Variants in CHMP4B observed in about 807,000 individuals in gnomAD.
The protein encoded by CHMP4B is charged multivesicular body protein 4B, also known as SNF7 homolog associated with Alix 1.
Under a neutral mutation model 25.1 loss-of-function variants are expected in CHMP4B, and 1 was observed. The observed-to-expected ratio is 0.04, with a 90% CI of 0.01 to 0.19. The LOEUF (loss-of-function observed/expected upper bound fraction) is 0.19. Ranked by LOEUF, CHMP4B falls within the 10% of genes least tolerant of loss-of-function variation. CHMP4B has a pLI of 1.00. For synonymous variants in CHMP4B, 101 were observed against 115.6 expected (o/e 0.87, Z 0.81); for missense variants, 151 against 289.7 (o/e 0.52, Z 3.48).
At chr20:33,811,810 A>C (rs186647786) in intron 1 of CHMP4B, 152 bp downstream of exon 1, 2 of 774,558 alleles carry the variant, frequency 2.6e-6, no homozygotes, top group Non-Finnish European at 4.4e-6. Flanking sequence ...CCCCTCCCCG[A>C]CTCCCTTCAA....
chr20:33,844,769 T>C (rs1979634556), intron 1 of CHMP4B, among the ~76,000 whole-genome samples: 1 of 151,978 alleles, frequency 6.6e-6, no homozygotes, highest in South Asian at 2.1e-4. Context: ...CTCTTTTTTT[T>C]TTTTTTTGAG....
chr20:33,846,303 C>G (rs902717997), intron 1 of CHMP4B, among the ~76,000 whole-genome samples: 2 of 152,146 alleles, frequency 1.3e-5, no homozygotes, highest in African/African-American at 4.8e-5. Context: ...TATTTTGAGG[C>G]CCTTATGAAG....
chr20:33,852,718 A>G lies in CHMP4B; in HGVS notation c.610+515A>G, dbSNP rs909452098. 2.6e-5 allele frequency among the ~76,000 whole-genome samples: 4 copies of G among 152,176 alleles called. No homozygotes were observed. The East Asian group carries it at 7.7e-4, about 29-fold the overall frequency. On this transcript the variant is annotated intron_variant, in intron 4 of 4. Transcript: ENST00000217402. ...CACTGTGAGAAGGTGTGAGAGCGTG[A>G]GTCCAGGACAGCTCTTTCCCTGCCC...
intron 1 of CHMP4B, among the ~76,000 whole-genome samples, chr20:33,828,296 G>T (rs1168065363): frequency 6.6e-6 from 1 of 152,168 alleles, no homozygotes; most frequent in East Asian, 1.9e-4. Flanking sequence ...GCTGGGACTG[G>T]AACTCATGAC....
At chr20:33,846,825 C>G (rs993893574) in intron 1 of CHMP4B, among the ~76,000 whole-genome samples, 1 of 152,182 alleles carries the variant, frequency 6.6e-6, no homozygotes. Flanking sequence ...GAGGCTAGTG[C>G]TCCTGACCCA....
chr20:33,830,769 A>C (rs769293054), intron 1 of CHMP4B, among the ~76,000 whole-genome samples: 7 of 152,054 alleles, frequency 4.6e-5, no homozygotes, highest in Non-Finnish European at 8.8e-5. Flanking sequence ...AGGTCAGTCC[A>C]TAGCACTCCT....
Position 33,851,066 on chromosome 20 carries a change from G to A in CHMP4B, c.483G>A (p.Glu161=), listed in dbSNP as rs748507989. The change falls in exon 3 of 5, where the codon GAG becomes GAA. Residue 161 remains glutamate, a splice_region_variant and synonymous_variant. Transcript: ENST00000217402. ...KPVGFGEEFD[E]DELMAELEEL... ...TAGGGTTTGGAGAAGAGTTTGACGA[G>A]GTGAGTAGTTTTGTACAGATCCCAT... is the stretch of plus-strand genomic sequence containing the variant. 3 of 1,585,628 alleles carry A rather than the reference G, an allele frequency of 1.9e-6. No homozygotes were observed. The highest frequency in any genetic ancestry group is 2.6e-6 in the Non-Finnish European group (3 of 1,154,060).
intron 1 of CHMP4B, among the ~76,000 whole-genome samples, chr20:33,830,230 C>T (rs1601321307): frequency 1.3e-5 from 2 of 152,140 alleles, no homozygotes; most frequent in Non-Finnish European, 2.9e-5. Context: ...CCAGGAAAAG[C>T]AAGGCGCTGG....
intron 1 of CHMP4B, among the ~76,000 whole-genome samples, chr20:33,844,888 G>A (rs1979639982): frequency 6.6e-6 from 1 of 151,608 alleles, no homozygotes; most frequent in African/African-American, 2.4e-5. Context: ...CCTCCCAAGT[G>A]GCTCGGACCA....
chr20:33,812,014 C>T (rs372301221), intron 1 of CHMP4B, among the ~76,000 whole-genome samples: 1 of 152,160 alleles, frequency 6.6e-6, no homozygotes, highest in East Asian at 1.9e-4. Context: ...GCCTCCTCCT[C>T]GGCTCATTTC....
Position 33,840,618 on chromosome 20 carries a change from AG to A in CHMP4B, c.191-7847del, listed in dbSNP as rs1407539879. Among the ~76,000 whole-genome samples, 4 of 152,286 alleles carry A rather than the reference AG, an allele frequency of 2.6e-5. 1 individual carries two copies. The highest frequency in any genetic ancestry group is 6.8e-3 in the Middle Eastern group (2 of 294). Reference sequence around the variant, plus strand: ...TGAAGCTGGCATTGGCCAAATGATCAGGTGGTTTTAAATTGGTTTCTCCCAA... The same window carrying A: ...TGAAGCTGGCATTGGCCAAATGATCAGTGGTTTTAAATTGGTTTCTCCCAA... On this transcript the variant is annotated intron_variant, in intron 1 of 4. Transcript: ENST00000217402.
Position 33,831,927 on chromosome 20 carries a change from C to T in CHMP4B, c.191-16540C>T, listed in dbSNP as rs550116935. On this transcript the variant is annotated intron_variant, in intron 1 of 4. Transcript: ENST00000217402. The stretch of plus-strand genomic sequence containing the variant: ...AGGACAAGGCAAGACTACCTTTTCC[C>T]GAAAGAGAATCAGCTTCCTGTGCCC... Among the ~76,000 whole-genome samples, 31 of 152,228 alleles carry T rather than the reference C, an allele frequency of 2.0e-4. No homozygotes were observed. The South Asian group carries it at 5.8e-3, about 29-fold the overall frequency.
chr20:33,853,614 C>T lies in CHMP4B; in HGVS notation c.*54C>T, dbSNP rs1979918893. ...AGACTGTGGTGGCCTGCGCAGCGAG[C>T]AGGCGTGTGCGTGTGTGGGGCAGGC... On this transcript the variant is annotated 3_prime_UTR_variant, in exon 5 of 5. Transcript: ENST00000217402. 1.3e-6 allele frequency: 2 copies of T among 1,507,784 alleles called. No individual in the cohort carries two copies. Among genetic ancestry groups the T allele is most frequent in the Admixed American group, 1.7e-5 (1 of 59,782 alleles). 93.4% of individuals were successfully genotyped at this position (1,507,784 alleles called of 1,614,324 possible).
intron 1 of CHMP4B, among the ~76,000 whole-genome samples, chr20:33,845,340 C>T (rs1416790796): frequency 1.3e-5 from 2 of 150,258 alleles, no homozygotes; most frequent in Non-Finnish European, 3.0e-5. Flanking sequence ...TTCTTGCCCC[C>T]GAGATGGAGT....
chr20:33,822,069 C>T (rs1033604765), intron 1 of CHMP4B, among the ~76,000 whole-genome samples: 5 of 151,910 alleles, frequency 3.3e-5, no homozygotes, highest in Admixed American at 2.6e-4. Flanking sequence ...AAGCCATCCA[C>T]CCACCTTGGC....
intron 1 of CHMP4B, 132 bp from the exon 2 acceptor site, chr20:33,848,335 A>G: frequency 1.1e-6 from 1 of 882,996 alleles, no homozygotes; most frequent in Non-Finnish European, 1.9e-6. Flanking sequence ...TTTGTGTAGA[A>G]TTTATGAATC....
chr20:33,852,027 G>A (rs1979865525), intron 3 of CHMP4B, 50 bp from the exon 4 acceptor site: 1 of 1,612,196 alleles, frequency 6.2e-7, no homozygotes, highest in Non-Finnish European at 8.5e-7. Flanking sequence ...CATGACCGCG[G>A]GGGCTGGGAT....
At chr20:33,852,306 G>C (rs1253058488) in intron 4 of CHMP4B, 103 bp downstream of exon 4, 4 of 1,394,074 alleles carry the variant, frequency 2.9e-6, no homozygotes, top group Non-Finnish European at 4.1e-6. Context: ...TTTGTGGTCG[G>C]TTGGCTTTGG....
At chr20:33,851,660 A>G (rs1244603116) in intron 3 of CHMP4B, among the ~76,000 whole-genome samples, 1 of 152,134 alleles carries the variant, frequency 6.6e-6, no homozygotes, top group African/African-American at 2.4e-5. Flanking sequence ...ATAACCGAGA[A>G]AACAGCGTGC....
Sources: gnomAD v4.1 joint callset for allele counts (sites outside exome capture counted in the v4.1 genomes callset) on GRCh38, gnomAD v4.1.1 for gene constraint, MANE v1.5 for transcripts, NCBI Gene and HGNC (gene_info 2026-07-23, HGNC 2026-07-21) for gene names.